TTLL13: variants seen among roughly 807,000 people sequenced by gnomAD.
TTLL13 encodes tubulin tyrosine ligase like 13.
the TTLL13 span, chr15:90,258,632 G>C: frequency 3.2e-6 from 3 of 937,262 alleles, no homozygotes; most frequent in Non-Finnish European, 5.0e-6. Context: ...CAGCCTCCCC[G>C]GCTGAGGCCA....
chr15:90,262,808 C>G, the TTLL13 span: 4 of 1,218,250 alleles, frequency 3.3e-6, no homozygotes, highest in South Asian at 1.6e-5. Flanking sequence ...TGAATCCGAT[C>G]CTTTGGAAGA....
chr15:90,255,002 A>G, the TTLL13 span, among the ~76,000 whole-genome samples: 1 of 152,230 alleles, frequency 6.6e-6, no homozygotes. Context: ...TGGTTAGGAC[A>G]TGGAGGGTCA....
the TTLL13 span, chr15:90,250,592 A>G: frequency 6.3e-7 from 1 of 1,595,338 alleles, no homozygotes; most frequent in Admixed American, 1.7e-5. Context: ...TCTGATATAC[A>G]CTTCATTCCC....
At chr15:90,254,188 GTT>G in the TTLL13 span, among the ~76,000 whole-genome samples, 17 of 104,004 alleles carry the variant, frequency 1.6e-4, no homozygotes, top group African/African-American at 7.7e-4. Context: ...GTGAGACCCT[GTT>G]TTTTTTTTTT....
chr15:90,263,978 C>A, the TTLL13 span: 8 of 1,536,030 alleles, frequency 5.2e-6, no homozygotes, highest in Non-Finnish European at 7.0e-6. Context: ...GGAGAGCCGG[C>A]AGCCATCAAC....
At chr15:90,260,014 G>A in the TTLL13 span, among the ~76,000 whole-genome samples, 5 of 152,164 alleles carry the variant, frequency 3.3e-5, no homozygotes, top group South Asian at 2.1e-4. Flanking sequence ...CTGGGACACC[G>A]TAAGCACTCA....
At chr15:90,262,804 C>A in the TTLL13 span, 1 of 1,213,822 alleles carries the variant, frequency 8.2e-7, no homozygotes, top group Non-Finnish European at 1.1e-6. Context: ...AAATTGAATC[C>A]GATCCTTTGG....
the TTLL13 span, among the ~76,000 whole-genome samples, chr15:90,260,904 C>T: frequency 9.9e-5 from 15 of 151,090 alleles, no homozygotes; most frequent in East Asian, 1.9e-4. Flanking sequence ...GAAGGACACA[C>T]GCATGCACGC....
chr15:90,259,091 G>C, the TTLL13 span: 1 of 1,428,644 alleles, frequency 7.0e-7, no homozygotes, highest in Admixed American at 2.3e-5. Flanking sequence ...GACCAGGCTT[G>C]GTGGCTCATA....
the TTLL13 span, among the ~76,000 whole-genome samples, chr15:90,256,545 T>TTTTCTTTCTTTCTTTCTTTC: frequency 2.0e-4 from 21 of 105,390 alleles, no homozygotes; most frequent in Admixed American, 4.4e-4. Flanking sequence ...TCTCCTTCCT[T>TTTTCTTTCTTTCTTTCTTTC]TTTCTTTCTT....
At chr15:90,260,605 C>G in the TTLL13 span, among the ~76,000 whole-genome samples, 4 of 152,052 alleles carry the variant, frequency 2.6e-5, no homozygotes, top group African/African-American at 9.7e-5. Context: ...GTAATCTCAG[C>G]CCTTTGGGAG....
At chr15:90,258,010 G>T in the TTLL13 span, 1 of 1,605,472 alleles carries the variant, frequency 6.2e-7, no homozygotes, top group Non-Finnish European at 8.5e-7. Context: ...CTAGAAACTG[G>T]CCTTCCTCTG....
the TTLL13 span, chr15:90,258,496 C>A: frequency 1.6e-6 from 1 of 617,080 alleles, no homozygotes; most frequent in Non-Finnish European, 2.8e-6. Context: ...TTGGGATCCC[C>A]AGTGCCCTAA....
the TTLL13 span, among the ~76,000 whole-genome samples, chr15:90,256,561 CTTT>C: frequency 2.5e-5 from 1 of 40,248 alleles, no homozygotes; most frequent in Non-Finnish European, 4.7e-5. Flanking sequence ...TTCTTTCTTT[CTTT>C]CTTTCTTTCT....
the TTLL13 span, chr15:90,255,981 A>T: frequency 6.3e-7 from 1 of 1,586,350 alleles, no homozygotes; most frequent in African/African-American, 1.4e-5. Context: ...TCTCAGAGGG[A>T]TGGAAGTGGA....
chr15:90,262,622 A>G, the TTLL13 span: 1 of 1,528,128 alleles, frequency 6.5e-7, no homozygotes, highest in South Asian at 1.2e-5. Flanking sequence ...AGGGCTCCAG[A>G]GCCTTTCCAC....
chr15:90,265,329 A>T, the TTLL13 span: 1 of 1,218,790 alleles, frequency 8.2e-7, no homozygotes, highest in Non-Finnish European at 1.0e-6. Context: ...CGAGTGCCCA[A>T]GGCACTGGGC....
chr15:90,255,859 C>G, the TTLL13 span: 2 of 1,614,150 alleles, frequency 1.2e-6, no homozygotes, highest in Non-Finnish European at 1.7e-6. Flanking sequence ...ACAACATCTT[C>G]CCCCGCACCT....
the TTLL13 span, chr15:90,251,671 C>T: frequency 2.4e-5 from 37 of 1,535,114 alleles, 1 homozygote; most frequent in Non-Finnish European, 3.2e-5. Context: ...CTGGAATGGA[C>T]CCCCGATCAG....
Sources: gnomAD v4.1 joint callset for allele counts (sites outside exome capture counted in the v4.1 genomes callset) on GRCh38, gnomAD v4.1.1 for gene constraint, MANE v1.5 for transcripts, NCBI Gene and HGNC (gene_info 2026-07-23, HGNC 2026-07-21) for gene names.